Variants in SUCLG2 observed in about 807,000 individuals in gnomAD.
SUCLG2 encodes the protein succinate--CoA ligase [GDP-forming] subunit beta, mitochondrial.
SUCLG2 carries 42 observed loss-of-function variants against 47.9 expected under a neutral mutation model. The ratio of observed to expected loss-of-function variants is 0.88; its 90% CI spans 0.69 to 1.14. SUCLG2 has a LOEUF of 1.14. SUCLG2 is among the 50% of genes most tolerant of loss of function. The probability of loss-of-function intolerance (pLI) is 0.00; values close to 1 mark genes in which losing one functional copy is unlikely to be tolerated. For synonymous variants in SUCLG2, 195 were observed against 197.3 expected, an observed-to-expected ratio of 0.99 and a Z score of 0.10; for missense variants, 571 against 525.9, an observed-to-expected ratio of 1.09 and a Z score of -0.84.
intron 9 of SUCLG2, among the ~76,000 whole-genome samples, chr3:67,447,896 T>G (rs1035172598): frequency 6.6e-6 from 1 of 152,120 alleles, no homozygotes; most frequent in African/African-American, 2.4e-5. Context: ...GGCCGGCTAA[T>G]TTTTGTATTT....
Position 67,495,832 on chromosome 3 carries a change from T to C in SUCLG2, c.1028A>G (p.Tyr343Cys), listed in dbSNP as rs780622493. Reference protein sequence around the residue: ...LGGGVKEAQVYQAFKLLTADP... With the variant: ...LGGGVKEAQVCQAFKLLTADP... Reference sequence around the variant, plus strand: ...AGCTGTGAGCAATTTGAATGCTTGATATACTTGAGCTTCCTTTACACCACC... The same window carrying C: ...AGCTGTGAGCAATTTGAATGCTTGACATACTTGAGCTTCCTTTACACCACC... Residue 343 changes from tyrosine to cysteine, a missense_variant, in exon 9 of 11, where the codon TAT (tyrosine) becomes TGT (cysteine). Coordinates refer to ENST00000307227, the MANE Select transcript of SUCLG2 (RefSeq NM_003848.4). The C allele has an allele frequency of 1.1e-5, 18 of 1,613,914 alleles. No homozygotes were observed. In the Admixed American group the frequency reaches 1.3e-4, roughly 12 times the overall value.
At chr3:67,388,313 A>G (rs1450321279) in intron 10 of SUCLG2, among the ~76,000 whole-genome samples, 1 of 152,196 alleles carries the variant, frequency 6.6e-6, no homozygotes, top group Non-Finnish European at 1.5e-5. Flanking sequence ...AGAGAGAAAA[A>G]GCAAGAGAGC....
At chr3:67,616,782 T>C (rs1395472026) in intron 1 of SUCLG2, among the ~76,000 whole-genome samples, 2 of 152,192 alleles carry the variant, frequency 1.3e-5, no homozygotes, top group African/African-American at 2.4e-5. Flanking sequence ...AAAAGCCGCA[T>C]TTTCTGTTAT....
chr3:67,625,139 C>G (rs1043142149), intron 1 of SUCLG2, among the ~76,000 whole-genome samples: 1 of 152,136 alleles, frequency 6.6e-6, no homozygotes, highest in Non-Finnish European at 1.5e-5. Context: ...CTGGCCCAAA[C>G]TAGAAGTGAA....
intron 6 of SUCLG2, among the ~76,000 whole-genome samples, chr3:67,517,886 A>C (rs1363667190): frequency 6.6e-6 from 1 of 152,200 alleles, no homozygotes; most frequent in Non-Finnish European, 1.5e-5. Context: ...AGTTGTCATC[A>C]TTCCCATTTT....
chr3:67,498,783 G>A (rs1324198026), intron 7 of SUCLG2, among the ~76,000 whole-genome samples: 1 of 152,078 alleles, frequency 6.6e-6, no homozygotes, highest in Admixed American at 6.6e-5. Context: ...ATTTCCAAAA[G>A]ATTTAGTGGA....
chr3:67,407,609 T>C (rs1575676053), intron 9 of SUCLG2, among the ~76,000 whole-genome samples: 1 of 152,222 alleles, frequency 6.6e-6, no homozygotes, highest in South Asian at 2.1e-4. Flanking sequence ...CTGCATTGTA[T>C]TTAAAAACAC....
At chr3:67,398,997 A>T (rs1290932153) in intron 10 of SUCLG2, among the ~76,000 whole-genome samples, 4 of 134,660 alleles carry the variant, frequency 3.0e-5, no homozygotes, top group Admixed American at 2.4e-4. Context: ...CAGGAAGGGG[A>T]ACATCACACT....
chr3:67,620,584 C>CAAAAAAAAAAAAAAAAAAAAAAAAAAAAA (rs71109890), intron 1 of SUCLG2, among the ~76,000 whole-genome samples: 4 of 63,514 alleles, frequency 6.3e-5, no homozygotes, highest in Non-Finnish European at 1.2e-4. Context: ...GACTCCATCT[C>CAAAAAAAAAAAAAAAAAAAAAAAAAAAAA]AAAAAAAAAA....
downstream of SUCLG2, among the ~76,000 whole-genome samples, chr3:67,369,957 TCTA>T (rs1701930261): frequency 6.6e-6 from 1 of 152,216 alleles, no homozygotes; most frequent in South Asian, 2.1e-4. Flanking sequence ...ATGAAGAGTA[TCTA>T]CTTTCTTATA....
At chr3:67,408,796 A>T in intron 9 of SUCLG2, 1 of 1,347,708 alleles carries the variant, frequency 7.4e-7, no homozygotes, top group Non-Finnish European at 9.5e-7. Context: ...CTGGTAAATA[A>T]ACTCAATGAG....
intron 10 of SUCLG2, among the ~76,000 whole-genome samples, chr3:67,379,472 T>A (rs1191945676): frequency 1.3e-5 from 2 of 152,198 alleles, no homozygotes; most frequent in African/African-American, 4.8e-5. Flanking sequence ...TTTACCTGAG[T>A]TCCTTTGCAT....
At chr3:67,483,963 T>A (rs934965617) in intron 9 of SUCLG2, among the ~76,000 whole-genome samples, 2 of 152,230 alleles carry the variant, frequency 1.3e-5, no homozygotes, top group African/African-American at 2.4e-5. Context: ...AGGCTTGCCA[T>A]GAATGGAGTT....
At chr3:67,611,006 A>G (rs11706911) in intron 1 of SUCLG2, among the ~76,000 whole-genome samples, 25,100 of 152,182 alleles carry the variant, frequency 0.16, 2,752 homozygotes, top group Non-Finnish European at 0.22. Context: ...AAAGACACCC[A>G]AAAAATGCCA....
chr3:67,461,506 G>A (rs1040483505), intron 9 of SUCLG2, among the ~76,000 whole-genome samples: 4 of 151,826 alleles, frequency 2.6e-5, no homozygotes, highest in African/African-American at 4.8e-5. Flanking sequence ...TATGTATCAG[G>A]TACTGGGAAA....
intron 9 of SUCLG2, among the ~76,000 whole-genome samples, chr3:67,432,768 T>C (rs1411055478): frequency 1.3e-5 from 2 of 152,216 alleles, no homozygotes; most frequent in South Asian, 2.1e-4. Flanking sequence ...TATCAGAATA[T>C]AGAGAGAATT....
chr3:67,387,458 C>A (rs1360284206), intron 10 of SUCLG2, among the ~76,000 whole-genome samples: 4 of 152,186 alleles, frequency 2.6e-5, no homozygotes, highest in Non-Finnish European at 5.9e-5. Flanking sequence ...AATGAATGCA[C>A]ACTACGATTG....
chr3:67,486,094 G>A (rs1705042867), intron 9 of SUCLG2, among the ~76,000 whole-genome samples: 1 of 152,014 alleles, frequency 6.6e-6, no homozygotes, highest in African/African-American at 2.4e-5. Flanking sequence ...AACAAACCCT[G>A]TCTCTACAAA....
chr3:67,385,546 C>T (rs2106778218), intron 10 of SUCLG2, among the ~76,000 whole-genome samples: 1 of 152,374 alleles, frequency 6.6e-6, no homozygotes, highest in African/African-American at 2.4e-5. Flanking sequence ...GCCCCTTCCT[C>T]TGGCCTTCCT....
Sources: gnomAD v4.1 joint callset for allele counts (sites outside exome capture counted in the v4.1 genomes callset) on GRCh38, gnomAD v4.1.1 for gene constraint, MANE v1.5 for transcripts, NCBI Gene and HGNC (gene_info 2026-07-23, HGNC 2026-07-21) for gene names.